CFAP54: variants seen among roughly 807,000 people sequenced by gnomAD.
The protein encoded by CFAP54 is cilia- and flagella-associated protein 54.
In CFAP54, 290 loss-of-function variants were observed where a neutral mutation model predicts 370.4. The ratio of observed to expected loss-of-function variants is 0.78; its 90% CI spans 0.71 to 0.86. The LOEUF is 0.86. Among genes scored for constraint, CFAP54 ranks in the 40% least tolerant of loss-of-function variants. CFAP54 has a pLI of 0.00. For missense variants in CFAP54, 3,399 were observed against 3,528.7 expected (o/e 0.96, Z 0.93); for synonymous variants, 1,206 against 1,236.5 (o/e 0.98, Z 0.52).
At chr12:96,526,023 T>C (rs1369738014) in intron 8 of CFAP54, among the ~76,000 whole-genome samples, 2 of 152,184 alleles carry the variant, frequency 1.3e-5, no homozygotes, top group Non-Finnish European at 2.9e-5. Flanking sequence ...ATCTATGGAT[T>C]GAAAAGGTAC....
chr12:96,663,989 T>A (rs1957026816), intron 39 of CFAP54, 57 bp downstream of exon 39: 1 of 1,245,738 alleles, frequency 8.0e-7, no homozygotes, highest in Admixed American at 1.9e-5. Context: ...TTTGCCATTG[T>A]GTTCTGCATG....
chr12:96,630,426 A>G (rs1263032372), intron 31 of CFAP54, 125 bp from the exon 32 acceptor site: 6 of 629,952 alleles, frequency 9.5e-6, no homozygotes, highest in East Asian at 2.9e-5. Flanking sequence ...TTTGATAGTA[A>G]TTTTAATTGA....
At chr12:96,800,147 C>T (rs927057413) in intron 63 of CFAP54, among the ~76,000 whole-genome samples, 1 of 152,150 alleles carries the variant, frequency 6.6e-6, no homozygotes, top group African/African-American at 2.4e-5. Context: ...ATATCCATAT[C>T]AGTTATTACA....
At chr12:96,852,409 A>G (rs1489783398) in intron 66 of CFAP54, among the ~76,000 whole-genome samples, 1 of 152,090 alleles carries the variant, frequency 6.6e-6, no homozygotes, top group East Asian at 1.9e-4. Context: ...ATACAATCCC[A>G]TGATTTATGA....
intron 32 of CFAP54, among the ~76,000 whole-genome samples, chr12:96,633,989 T>C (rs956653649): frequency 1.3e-5 from 2 of 150,126 alleles, no homozygotes; most frequent in African/African-American, 2.5e-5. Flanking sequence ...AATAGGTGTG[T>C]AGTGATATCT....
rs560197695 is a variant in CFAP54 at position 96,612,777 on chromosome 12, C to G, written c.3640-8813C>G. Among the ~76,000 whole-genome samples the G allele has an allele frequency of 1.3e-3, 198 of 152,248 alleles. 4 individuals are homozygous for G. In the South Asian group the frequency reaches 0.04, roughly 31 times the overall value. ...CAGAGATCAAAAGAGACAAAGAAGA[C>G]CATTACATAATGGTAAAGGGATCAA... is the stretch of plus-strand genomic sequence containing the variant. On this transcript the variant is annotated intron_variant, in intron 26 of 67. Coordinates refer to ENST00000524981, the MANE Select transcript of CFAP54 (RefSeq NM_001306084.2).
At chr12:96,511,133 C>T (rs866375863) in intron 4 of CFAP54, among the ~76,000 whole-genome samples, 1 of 151,940 alleles carries the variant, frequency 6.6e-6, no homozygotes, top group African/African-American at 2.4e-5. Flanking sequence ...ATGAATAATG[C>T]CAAGTCCCTG....
chr12:96,633,031 T>A (rs907732590), intron 32 of CFAP54, among the ~76,000 whole-genome samples: 2 of 152,172 alleles, frequency 1.3e-5, no homozygotes, highest in Admixed American at 6.5e-5. Context: ...TTTTCTATTC[T>A]TTGTATAGGT....
At chr12:96,613,386 T>A (rs1254583502) in intron 26 of CFAP54, among the ~76,000 whole-genome samples, 1 of 152,134 alleles carries the variant, frequency 6.6e-6, no homozygotes, top group Non-Finnish European at 1.5e-5. Flanking sequence ...AGAGGGAAAT[T>A]TATAGCACTA....
In CFAP54 at chr12:96,738,995, C is replaced by T. The variant is rs185135125; in HGVS notation, c.6966-961C>T. ...CATTTTAACTTGGTTGCTTCTGTAACGAACTTATTTCCAAGTAAGGTCACA... is the reference window on the plus strand; with the variant it reads ...CATTTTAACTTGGTTGCTTCTGTAATGAACTTATTTCCAAGTAAGGTCACA... On this transcript the variant is annotated intron_variant, in intron 50 of 67. Transcript: ENST00000524981. Among the ~76,000 whole-genome samples the T allele has an allele frequency of 5.3e-5, 8 of 152,272 alleles. 1 individual carries two copies. The highest frequency in any genetic ancestry group is 2.0e-4 in the Admixed American group (3 of 15,288).
At chr12:96,726,368 A>G (rs910666073) in intron 50 of CFAP54, among the ~76,000 whole-genome samples, 5 of 152,228 alleles carry the variant, frequency 3.3e-5, no homozygotes, top group African/African-American at 1.2e-4. Flanking sequence ...TTATTGGTCT[A>G]TTCAGAGATT....
rs1315530676 is a variant in CFAP54, at chr12:96,720,449, G to T, written c.6849G>T (p.Leu2283=). Reference sequence around the variant, plus strand: ...CTGAGGACAGGCTAAACTTCCTTCTGTCCGAGGTGGAACAGAAGACCCTGT... The same window carrying T: ...CTGAGGACAGGCTAAACTTCCTTCTTTCCGAGGTGGAACAGAAGACCCTGT... ...MEAEDRLNFL[L]SEVEQKTLSQ... is the part of the protein sequence containing the mutation. Residue 2283 remains leucine (L), a synonymous_variant, in exon 50 of 68, where the codon CTG becomes CTT. Transcript: ENST00000524981. 1.0e-5 allele frequency: 16 copies of T among 1,598,692 alleles called. No individual in the cohort carries two copies. Among genetic ancestry groups the T allele is most frequent in the Non-Finnish European group, 1.4e-5 (16 of 1,172,074 alleles).
intron 14 of CFAP54, 32 bp downstream of exon 14, chr12:96,541,019 T>A (rs1432683406): frequency 7.2e-7 from 1 of 1,387,886 alleles, no homozygotes; most frequent in South Asian, 1.5e-5. Flanking sequence ...TGTATACATA[T>A]ATAAATACAA....
At chr12:96,665,852 G>A (rs1476073135) in intron 39 of CFAP54, among the ~76,000 whole-genome samples, 1 of 152,152 alleles carries the variant, frequency 6.6e-6, no homozygotes, top group Non-Finnish European at 1.5e-5. Flanking sequence ...CTTATTCTGT[G>A]AAGAATCTCA....
At chr12:96,529,756 A>G (rs1281394831) in intron 9 of CFAP54, among the ~76,000 whole-genome samples, 1 of 152,130 alleles carries the variant, frequency 6.6e-6, no homozygotes, top group East Asian at 1.9e-4. Flanking sequence ...TGTATTGCAA[A>G]TATCATTTCT....
chr12:96,769,835 G>A (rs1439791203), intron 60 of CFAP54, among the ~76,000 whole-genome samples: 2 of 152,138 alleles, frequency 1.3e-5, no homozygotes, highest in Non-Finnish European at 2.9e-5. Context: ...TTACCTTACA[G>A]TGAACCTATT....
At chr12:96,550,894 G>A (rs1022743460) in intron 15 of CFAP54, among the ~76,000 whole-genome samples, 1 of 152,170 alleles carries the variant, frequency 6.6e-6, no homozygotes, top group African/African-American at 2.4e-5. Context: ...TTGGGCACAT[G>A]AAAGATGGGG....
chr12:96,693,929 A>G lies in CFAP54; in HGVS notation c.6351+121A>G, dbSNP rs906491384. The G allele has an allele frequency of 2.9e-5, 16 of 546,384 alleles. No homozygotes were observed. The Admixed American group carries it at 5.1e-4, about 17-fold the overall frequency. The allele number at this position is 546,384 out of a possible 1,614,324, so 33.8% of individuals were successfully genotyped here. ...TAATAACATGGCATTACACTGATGT[A>G]AGAAATAACTTACCCATTATTATAA... On this transcript the variant is annotated intron_variant, in intron 45 of 67. Coordinates refer to ENST00000524981, the MANE Select transcript of CFAP54 (RefSeq NM_001306084.2).
At chr12:96,679,405 A>G (rs536216744) in intron 39 of CFAP54, among the ~76,000 whole-genome samples, 195 bp from the exon 40 acceptor site, 1 of 147,458 alleles carries the variant, frequency 6.8e-6, no homozygotes, top group Non-Finnish European at 1.5e-5. Flanking sequence ...TTTTTTTTTT[A>G]AAAGGACCTT....
Sources: allele counts gnomAD v4.1 joint callset (sites outside exome capture counted in the v4.1 genomes callset), GRCh38; gene constraint gnomAD v4.1.1; transcripts MANE v1.5; gene names NCBI Gene and HGNC (gene_info 2026-07-23, HGNC 2026-07-21).